The following ZAN variants were observed in gnomAD, a reference collection of about 807,000 sequenced individuals.
The protein encoded by ZAN is zonadhesin.
Under a neutral mutation model 286.2 loss-of-function variants are expected in ZAN, and 260 were observed. The ratio of observed to expected loss-of-function variants is 0.91; its 90% confidence interval spans 0.82 to 1.01. The LOEUF (loss-of-function observed/expected upper bound fraction) is 1.01. ZAN is among the 50% of genes least tolerant of loss of function. The pLI is 0.00. For synonymous variants in ZAN, 1,368 were observed against 1,417.5 expected (o/e 0.97, Z 0.79); for missense variants, 3,410 against 3,639.2 (o/e 0.94, Z 1.62).
At chr7:100,750,424 C>G (rs112205120) in intron 11 of ZAN, among the ~76,000 whole-genome samples, 1 of 152,154 alleles carries the variant, frequency 6.6e-6, no homozygotes, top group East Asian at 1.9e-4. Context: ...CATGAGCCAC[C>G]GTGCCTGGCC....
intron 42 of ZAN, 71 bp from the exon 43 acceptor site, chr7:100,793,749 T>G: frequency 1.3e-6 from 2 of 1,497,486 alleles, no homozygotes; most frequent in Middle Eastern, 1.8e-4. Flanking sequence ...ACTCTGAGTT[T>G]TATCGGGTGA....
chr7:100,746,305 GAGA>G (rs1169264289), intron 7 of ZAN, among the ~76,000 whole-genome samples: 2 of 152,182 alleles, frequency 1.3e-5, no homozygotes, highest in Non-Finnish European at 2.9e-5. Context: ...TGCTGCTTTG[GAGA>G]AGGTGTCCGC....
chr7:100,764,469 T>C (rs1809813741), intron 22 of ZAN, among the ~76,000 whole-genome samples: 1 of 151,704 alleles, frequency 6.6e-6, no homozygotes, highest in African/African-American at 2.4e-5. Context: ...CACTCCAGCC[T>C]GGGCGACAGA....
chr7:100,759,068 A>G (rs1197022501), intron 17 of ZAN, among the ~76,000 whole-genome samples: 1 of 152,058 alleles, frequency 6.6e-6, no homozygotes, highest in Non-Finnish European at 1.5e-5. Context: ...TACTAAAAAT[A>G]TAAAAAATTA....
chr7:100,758,203 C>G lies in ZAN; in HGVS notation c.3311C>G (p.Pro1104Arg). Residue 1104 changes from proline (P) to arginine (R), a missense_variant and splice_region_variant, in exon 16 of 48, where the codon CCT becomes CGT. By Grantham distance (103) the Pro-to-Arg change is moderately radical. Around this residue, in one of 7 missense-constraint regions of ZAN, gnomAD observed 1,042 missense variants for 1,058.0 expected, o/e 0.98. Coordinates refer to ENST00000613979, the MANE Select transcript of ZAN (RefSeq NM_003386.3). The part of the protein sequence containing the change: ...NCFYNNDYYE[P>R]GAEWFSPNCT... ...TGACCTCACATCCCTTTCTCCCAGCCTGGGGCAGAGTGGTTCAGCCCCAAC... is the reference window on the plus strand; with the variant it reads ...TGACCTCACATCCCTTTCTCCCAGCGTGGGGCAGAGTGGTTCAGCCCCAAC... 1 of 1,612,064 alleles carries G rather than the reference C, an allele frequency of 6.2e-7. No homozygotes were observed. The highest frequency in any genetic ancestry group is 1.7e-4 in the Middle Eastern group (1 of 6,054).
intron 24 of ZAN, 79 bp downstream of exon 24, chr7:100,766,745 C>A (rs1199573145): frequency 2.0e-6 from 3 of 1,490,044 alleles, no homozygotes; most frequent in Non-Finnish European, 2.7e-6. Flanking sequence ...CCCAAAGCAG[C>A]TTCCCCAGAC....
intron 34 of ZAN, 65 bp downstream of exon 34, chr7:100,776,629 GCCTTC>G (rs1298143972): frequency 7.3e-5 from 93 of 1,281,510 alleles, no homozygotes; most frequent in East Asian, 2.0e-4. Flanking sequence ...CTTTCTTTCT[GCCTTC>G]CCTTCCCTTC....
At chr7:100,796,421 C>CT (rs144829996) in intron 45 of ZAN, among the ~76,000 whole-genome samples, 8,993 of 120,332 alleles carry the variant, frequency 0.075, 1,152 homozygotes, top group East Asian at 0.55. Context: ...CAGGAATCTG[C>CT]TTTTTTTTTT....
At chr7:100,788,219 G>T in intron 38 of ZAN, 83 bp downstream of exon 38, 2 of 1,412,938 alleles carry the variant, frequency 1.4e-6, no homozygotes, top group Non-Finnish European at 9.3e-7. Flanking sequence ...AGGGATCCCT[G>T]TTCCCTGGGA....
chr7:100,793,620 C>A (rs1812143066), intron 42 of ZAN, among the ~76,000 whole-genome samples, 200 bp from the exon 43 acceptor site: 1 of 151,908 alleles, frequency 6.6e-6, no homozygotes, highest in Admixed American at 6.6e-5. Flanking sequence ...GTATTTTTAG[C>A]AGAGATGGGG....
At chr7:100,791,241 C>A in intron 40 of ZAN, 128 bp downstream of exon 40, 1 of 1,240,472 alleles carries the variant, frequency 8.1e-7, no homozygotes, top group Non-Finnish European at 1.1e-6. Context: ...CCTGGATCCT[C>A]CCAATTCCGT....
chr7:100,748,555 CGTT>C, intron 11 of ZAN, 85 bp downstream of exon 11: 1 of 1,512,526 alleles, frequency 6.6e-7, no homozygotes, highest in Non-Finnish European at 8.9e-7. Flanking sequence ...TGATGGGAGA[CGTT>C]GTTTCAGGCA....
At chr7:100,767,624 C>T (rs777362882) in intron 25 of ZAN, among the ~76,000 whole-genome samples, 2 of 151,572 alleles carry the variant, frequency 1.3e-5, no homozygotes, top group African/African-American at 2.4e-5. Flanking sequence ...TATAGGCATG[C>T]ACCACCTGCA....
chr7:100,748,599 G>A (rs1366023599), intron 11 of ZAN, 129 bp downstream of exon 11: 3 of 1,296,302 alleles, frequency 2.3e-6, no homozygotes, highest in South Asian at 1.5e-5. Context: ...GTGTTTTTTC[G>A]GAAGTTTCCA....
At chr7:100,783,417 A>G (rs1244478490) in intron 35 of ZAN, among the ~76,000 whole-genome samples, 2 of 151,468 alleles carry the variant, frequency 1.3e-5, no homozygotes, top group Admixed American at 6.6e-5. Flanking sequence ...ATCTTGTCCT[A>G]TTAAAAGCAC....
chr7:100,767,285 C>A, intron 25 of ZAN, 28 bp downstream of exon 25: 13 of 1,587,462 alleles, frequency 8.2e-6, no homozygotes, highest in Non-Finnish European at 1.1e-5. Context: ...GCCTCCTGGA[C>A]CCTGAACACC....
intron 33 of ZAN, 102 bp downstream of exon 33, chr7:100,775,935 G>A (rs1264976028): frequency 7.5e-6 from 11 of 1,463,600 alleles, no homozygotes; most frequent in Non-Finnish European, 9.3e-6. Flanking sequence ...TGCCCAAAGA[G>A]GCCACTCCTC....
chr7:100,751,882 A>T lies in ZAN; in HGVS notation c.1777A>T (p.Ile593Phe), dbSNP rs759876111. Residue 593 changes from isoleucine to phenylalanine, a missense_variant, in exon 14 of 48, where the codon ATT becomes TTT. Coordinates refer to ENST00000613979, the MANE Select transcript of ZAN (RefSeq NM_003386.3). The part of the protein sequence containing the change: ...KPTVPKEKPT[I>F]PTEKPTISTE... ...CACAGTCCCCAAAGAAAAGCCCACC[A>T]TTCCCACAGAAAAACCCACCATCTC... 1.2e-6 allele frequency: 2 copies of T among 1,613,348 alleles called. No individual in the cohort carries two copies. The highest frequency in any genetic ancestry group is 1.7e-6 in the Non-Finnish European group (2 of 1,179,806).
Position 100,763,180 on chromosome 7 carries a change from G to C in ZAN, c.3987-626G>C, listed in dbSNP as rs1289172664. 7.2e-5 allele frequency among the ~76,000 whole-genome samples: 11 copies of C among 151,942 alleles called. No homozygotes were observed. The highest frequency in any genetic ancestry group is 7.2e-4 in the Admixed American group (11 of 15,216). On this transcript the variant is annotated intron_variant, in intron 20 of 47. Transcript: ENST00000613979. This position sits in a 1 kb window ranked among gnomAD's most constrained non-coding sequence, Gnocchi z 4.6. ...GGGTTTCATCATGTTGGCCAGGCTG[G>C]TTTCGAACTCCTGACCTCAGGTGAT...
Sources: gnomAD v4.1 joint callset for allele counts (sites outside exome capture counted in the v4.1 genomes callset) on GRCh38, gnomAD v4.1.1 for gene constraint, gnomAD v4.1.1 regional missense constraint, Gnocchi (gnomAD v3.1) non-coding constraint, MANE v1.5 for transcripts, NCBI Gene and HGNC (gene_info 2026-07-23, HGNC 2026-07-21) for gene names.